Variants in TMEM196 observed in about 807,000 individuals in gnomAD.
TMEM196 encodes transmembrane protein 196.
A neutral mutation model predicts 20.0 loss-of-function variants in TMEM196; 17 were observed. The ratio of observed to expected loss-of-function variants is 0.85; its 90% confidence interval spans 0.58 to 1.27. The LOEUF (loss-of-function observed/expected upper bound fraction) is 1.27, where lower values mean the gene tolerates loss of function less well. Ranked by LOEUF, TMEM196 falls within the 50% of genes most tolerant of loss-of-function variation. The probability of loss-of-function intolerance (pLI) is 0.00; values close to 1 mark genes in which losing one functional copy is unlikely to be tolerated. For missense variants in TMEM196, 267 were observed against 223.0 expected (o/e 1.20, Z -1.26); for synonymous variants, 113 against 88.9 (o/e 1.27, Z -1.52).
intron 1 of TMEM196, among the ~76,000 whole-genome samples, chr7:19,751,984 G>A (rs12700077): frequency 0.14 from 21,079 of 152,088 alleles, 1,801 homozygotes; most frequent in East Asian, 0.42. Flanking sequence ...CTGTCTTCTG[G>A]AAAATAATTG....
At chr7:19,746,392 T>C (rs1784750463) in intron 1 of TMEM196, among the ~76,000 whole-genome samples, 1 of 152,218 alleles carries the variant, frequency 6.6e-6, no homozygotes. Flanking sequence ...TCTTTTTAAT[T>C]GTAATTTACC....
chr7:19,770,232 C>T (rs1332840931), intron 1 of TMEM196, among the ~76,000 whole-genome samples: 1 of 152,144 alleles, frequency 6.6e-6, no homozygotes, highest in Non-Finnish European at 1.5e-5. Context: ...TTTCTCATTG[C>T]TGGCAAAGTT....
chr7:19,751,363 A>G (rs1026303640), intron 1 of TMEM196, among the ~76,000 whole-genome samples: 14 of 152,340 alleles, frequency 9.2e-5, no homozygotes, highest in African/African-American at 3.4e-4. Flanking sequence ...TTGGAATATA[A>G]AACCAGCACT....
chr7:19,737,240 T>C (rs558337599), intron 1 of TMEM196, among the ~76,000 whole-genome samples: 13 of 151,882 alleles, frequency 8.6e-5, no homozygotes, highest in Non-Finnish European at 1.9e-4. Context: ...TCATTAAAAA[T>C]TATAAATTTA....
chr7:19,747,342 C>G (rs1273168518), intron 1 of TMEM196, among the ~76,000 whole-genome samples: 4 of 151,820 alleles, frequency 2.6e-5, no homozygotes, highest in Admixed American at 1.3e-4. Flanking sequence ...GATTTTTACT[C>G]TCTGAGGTTA....
intron 1 of TMEM196, among the ~76,000 whole-genome samples, chr7:19,754,900 G>A (rs976281565): frequency 1.3e-5 from 2 of 152,044 alleles, no homozygotes; most frequent in Non-Finnish European, 2.9e-5. Flanking sequence ...TTTCTTCGGT[G>A]TCTACCATGA....
intron 1 of TMEM196, among the ~76,000 whole-genome samples, chr7:19,743,589 A>G (rs563695865): frequency 6.6e-6 from 1 of 152,296 alleles, no homozygotes; most frequent in Admixed American, 6.5e-5. Context: ...GTGAAAACGA[A>G]GGGGTTGGAA....
intron 1 of TMEM196, among the ~76,000 whole-genome samples, chr7:19,754,681 A>AAG (rs1236366386): frequency 6.6e-6 from 1 of 151,948 alleles, no homozygotes; most frequent in Admixed American, 6.6e-5. Flanking sequence ...AGAAAAAAAA[A>AAG]AGTTCTGCAA....
chr7:19,720,186 G>A lies in TMEM196; in HGVS notation c.*1942C>T, dbSNP rs1363542712. 1 of 151,892 alleles carries A rather than the reference G, an allele frequency of 6.6e-6. No homozygotes were observed. The allele number at this position is 151,892 out of a possible 1,614,324, so 9.4% of individuals were successfully genotyped here. ...ATTCACTATATGAGGTTGCATTTAT[G>A]GACAACTTCTGTAATCTACTAGGCA... On this transcript the variant is annotated 3_prime_UTR_variant, in exon 5 of 5. Transcript: ENST00000405844.
intron 1 of TMEM196, among the ~76,000 whole-genome samples, chr7:19,749,428 A>G (rs554304427): frequency 6.6e-6 from 1 of 152,376 alleles, no homozygotes; most frequent in East Asian, 1.9e-4. Context: ...CAAAATTAGT[A>G]TCCAAGTGGG....
intron 1 of TMEM196, among the ~76,000 whole-genome samples, chr7:19,770,393 A>T (rs934296580): frequency 6.6e-6 from 1 of 152,228 alleles, no homozygotes; most frequent in African/African-American, 2.4e-5. Context: ...ATCATTGAAG[A>T]AAGTGAGGTA....
At position 19,736,400 on chromosome 7, in the gene TMEM196, T is replaced by TATAA. The variant is rs1240197780; in HGVS notation, c.148-6963_148-6962insTTAT. ...ATATATATATATATATATATATATA[T>TATAA]AAATTATCTCTGTAAAATGGAGAAA... On this transcript the variant is annotated intron_variant, in intron 1 of 4. Coordinates refer to ENST00000405844, the MANE Select transcript of TMEM196 (RefSeq NM_001363562.2). Among the ~76,000 whole-genome samples the TATAA allele has an allele frequency of 8.8e-5, 12 of 136,090 alleles. 1 individual carries two copies. In the South Asian group the frequency reaches 1.0e-3, roughly 11 times the overall value. The allele number at this position is 136,090 out of a possible 152,430, so 89.3% of individuals were successfully genotyped here. A position where few individuals can be genotyped will look rare whatever the true frequency, so the allele number is the denominator to read the frequency against.
At position 19,753,466 on chromosome 7, in the gene TMEM196, A is replaced by G. The variant is rs953360713; in HGVS notation, c.147+19084T>C. ...GGCAGAAAGTCCGACTTAATTGCCA[A>G]TCTTTTCAACCCATGTTTTTAAAAG... On this transcript the variant is annotated intron_variant, in intron 1 of 4. Coordinates refer to ENST00000405844, the MANE Select transcript of TMEM196 (RefSeq NM_001363562.2). Among the ~76,000 whole-genome samples, 5 of 152,160 alleles carry G rather than the reference A, an allele frequency of 3.3e-5. No homozygotes were observed. In the East Asian group the frequency reaches 5.8e-4, roughly 18 times the overall value.
In TMEM196 at chr7:19,724,307, A is replaced by G. The variant is rs1435083038; in HGVS notation, c.506T>C (p.Val169Ala). The stretch of plus-strand genomic sequence containing the variant: ...TGTAGGTAACTCTGGTGTCGGGGGC[A>G]CCACCGGGCAGCTGGGCAAGTCGGT... ...EITDLPSCPV[V>A]PPTPELPTRK Residue 169 changes from valine (V) to alanine (A), a missense_variant, in exon 4 of 5, where the codon GTG (valine) becomes GCG (alanine). By Grantham distance (64) the Val-to-Ala change is moderately conservative (BLOSUM62 0). Transcript: ENST00000405844. 6.5e-7 allele frequency: 1 copy of G among 1,550,300 alleles called. No homozygotes were observed. Among genetic ancestry groups the G allele is most frequent in the Non-Finnish European group, 8.7e-7 (1 of 1,146,880 alleles).
chr7:19,762,006 T>G (rs1431347844), intron 1 of TMEM196, among the ~76,000 whole-genome samples: 4 of 152,210 alleles, frequency 2.6e-5, no homozygotes, highest in Admixed American at 2.0e-4. Flanking sequence ...CGTTTTTTCT[T>G]TTTTAAAAAA....
intron 1 of TMEM196, among the ~76,000 whole-genome samples, chr7:19,754,899 T>C (rs1400601916): frequency 6.6e-6 from 1 of 152,194 alleles, no homozygotes; most frequent in Non-Finnish European, 1.5e-5. Context: ...ATTTCTTCGG[T>C]GTCTACCATG....
At chr7:19,729,982 C>T (rs527757205) in intron 1 of TMEM196, among the ~76,000 whole-genome samples, 7 of 152,196 alleles carry the variant, frequency 4.6e-5, no homozygotes, top group South Asian at 4.2e-4. Flanking sequence ...ATAGGCTGGG[C>T]GCGGTGGCTC....
chr7:19,740,398 C>T (rs929509924), intron 1 of TMEM196, among the ~76,000 whole-genome samples: 6 of 152,020 alleles, frequency 3.9e-5, no homozygotes, highest in African/African-American at 9.7e-5. Flanking sequence ...GTGATGGCAA[C>T]CTGATCAAGG....
intron 1 of TMEM196, among the ~76,000 whole-genome samples, chr7:19,764,504 T>C (rs1193778809): frequency 2.6e-5 from 4 of 152,196 alleles, no homozygotes; most frequent in Non-Finnish European, 5.9e-5. Context: ...CTCTTCTCCA[T>C]GACTTTACAA....
Sources: gnomAD v4.1 joint callset for allele counts (sites outside exome capture counted in the v4.1 genomes callset) on GRCh38, gnomAD v4.1.1 for gene constraint, MANE v1.5 for transcripts, NCBI Gene and HGNC (gene_info 2026-07-23, HGNC 2026-07-21) for gene names.